The following NAALAD2 variants were observed in gnomAD, a reference collection of about 807,000 sequenced individuals.
The protein encoded by NAALAD2 is N-acetylated alpha-linked acidic dipeptidase 2, also known as N-acetylated-alpha-linked acidic dipeptidase 2.
Under a neutral mutation model 95.6 loss-of-function variants are expected in NAALAD2, and 89 were observed. That is an observed-to-expected ratio of 0.93 (90% CI 0.78 to 1.11). NAALAD2 has a LOEUF of 1.11. NAALAD2 is among the 50% of genes least tolerant of loss of function. The pLI is 0.00. For synonymous variants in NAALAD2, 264 were observed against 294.4 expected, an observed-to-expected ratio of 0.90 and a Z score of 1.06; for missense variants, 894 against 872.4, an observed-to-expected ratio of 1.02 and a Z score of -0.31.
chr11:90,182,690 A>G (rs1490672380), intron 17 of NAALAD2, among the ~76,000 whole-genome samples: 1 of 152,156 alleles, frequency 6.6e-6, no homozygotes, highest in Non-Finnish European at 1.5e-5. Context: ...GTAAAAAAAT[A>G]TAACAAACGA....
chr11:90,166,406 A>G (rs1454597164), intron 11 of NAALAD2, among the ~76,000 whole-genome samples: 2 of 152,168 alleles, frequency 1.3e-5, no homozygotes, highest in Non-Finnish European at 2.9e-5. Flanking sequence ...TTCACTTCAT[A>G]TACATAGTAA....
At chr11:90,147,610 T>C (rs945956041) in intron 3 of NAALAD2, 94 bp downstream of exon 3, 33 of 1,154,434 alleles carry the variant, frequency 2.9e-5, no homozygotes, top group Non-Finnish European at 3.9e-5. Context: ...AATTTGTTAA[T>C]AGTGAATTAT....
upstream of NAALAD2, among the ~76,000 whole-genome samples, chr11:90,132,847 T>TA (rs1237508677): frequency 2.6e-5 from 4 of 152,242 alleles, no homozygotes; most frequent in South Asian, 8.3e-4. Context: ...CTCTCTAAAA[T>TA]AAAAAACACT....
At chr11:90,158,658 G>T (rs780380993) in intron 7 of NAALAD2, 8 of 176,128 alleles carry the variant, frequency 4.5e-5, no homozygotes, top group Non-Finnish European at 8.2e-5. Context: ...TTTGTAAGAT[G>T]AGGCTAGTAA....
At chr11:90,161,435 A>G (rs80146485) in intron 8 of NAALAD2, among the ~76,000 whole-genome samples, 1,983 of 152,248 alleles carry the variant, frequency 0.013, 50 homozygotes, top group African/African-American at 0.046. Context: ...ATATTCATTT[A>G]TTTCATGAAT....
upstream of NAALAD2, chr11:90,134,644 A>G: frequency 1.1e-6 from 1 of 949,604 alleles, no homozygotes; most frequent in Non-Finnish European, 1.7e-6. Flanking sequence ...GGCCTTGCGA[A>G]GGTCAGCGGA....
intron 8 of NAALAD2, chr11:90,162,707 T>G (rs1590992694): frequency 7.8e-6 from 2 of 256,926 alleles, no homozygotes; most frequent in Non-Finnish European, 1.5e-5. Flanking sequence ...CTTTTAAAAT[T>G]TGACTTCAAG....
intron 2 of NAALAD2, among the ~76,000 whole-genome samples, chr11:90,146,606 C>A (rs1951756784): frequency 6.6e-6 from 1 of 151,922 alleles, no homozygotes; most frequent in African/African-American, 2.4e-5. Context: ...CTCAGTTGAT[C>A]CACCCTCCTC....
chr11:90,169,950 A>G (rs949130929), intron 12 of NAALAD2, 119 bp from the exon 13 acceptor site: 5 of 717,638 alleles, frequency 7.0e-6, no homozygotes, highest in Non-Finnish European at 1.2e-5. Flanking sequence ...TTGGGAATAA[A>G]ATCTTTGATT....
intron 13 of NAALAD2, among the ~76,000 whole-genome samples, chr11:90,172,506 A>G (rs1473522837): frequency 6.6e-6 from 1 of 152,166 alleles, no homozygotes; most frequent in Non-Finnish European, 1.5e-5. Context: ...GTTCAAAATC[A>G]TGTGCCAATA....
chr11:90,147,869 G>C (rs1267668993), intron 3 of NAALAD2, among the ~76,000 whole-genome samples: 1 of 152,200 alleles, frequency 6.6e-6, no homozygotes, highest in African/African-American at 2.4e-5. Context: ...GGACATAGGA[G>C]TTAACCATGT....
chr11:90,168,905 G>A, intron 11 of NAALAD2, 24 bp from the exon 12 acceptor site: 1 of 1,575,462 alleles, frequency 6.3e-7, no homozygotes, highest in Non-Finnish European at 8.7e-7. Flanking sequence ...TGTGAATTAA[G>A]TAACAACTTT....
intron 17 of NAALAD2, among the ~76,000 whole-genome samples, 199 bp from the exon 18 acceptor site, chr11:90,182,717 T>C (rs926080300): frequency 6.6e-6 from 1 of 152,176 alleles, no homozygotes; most frequent in African/African-American, 2.4e-5. Flanking sequence ...AATAGGTCTC[T>C]CTGCTGACTG....
At chr11:90,153,189 T>C (rs1951936170) in intron 6 of NAALAD2, among the ~76,000 whole-genome samples, 1 of 152,162 alleles carries the variant, frequency 6.6e-6, no homozygotes, top group African/African-American at 2.4e-5. Flanking sequence ...CCTTTACTTG[T>C]AGATGGACAT....
At chr11:90,155,495 T>C (rs1590980023) in intron 6 of NAALAD2, among the ~76,000 whole-genome samples, 1 of 112,552 alleles carries the variant, frequency 8.9e-6, no homozygotes, top group Non-Finnish European at 1.6e-5. Flanking sequence ...ATATATAATA[T>C]ATTATATATA....
At chr11:90,176,526 G>T (rs1163878382) in intron 15 of NAALAD2, among the ~76,000 whole-genome samples, 2 of 152,124 alleles carry the variant, frequency 1.3e-5, no homozygotes, top group Non-Finnish European at 2.9e-5. Context: ...AAGGGTTCTT[G>T]GTTGGGAAAT....
intron 3 of NAALAD2, among the ~76,000 whole-genome samples, chr11:90,148,693 A>T (rs191313428): frequency 5.4e-5 from 8 of 148,598 alleles, no homozygotes; most frequent in African/African-American, 2.0e-4. Flanking sequence ...AAAGAAAAGG[A>T]GCCCACAAAG....
intron 13 of NAALAD2, among the ~76,000 whole-genome samples, chr11:90,170,734 C>T (rs1952607879): frequency 1.3e-5 from 2 of 152,052 alleles, no homozygotes; most frequent in African/African-American, 4.8e-5. Flanking sequence ...TTTGCAGAGT[C>T]ACTGATGTTT....
intron 17 of NAALAD2, 77 bp from the exon 18 acceptor site, chr11:90,182,839 C>A: frequency 1.0e-6 from 1 of 988,584 alleles, no homozygotes; most frequent in Non-Finnish European, 1.6e-6. Flanking sequence ...TTTCCCAAGC[C>A]TTGTTTTTAT....
Sources: gnomAD v4.1 joint callset for allele counts (sites outside exome capture counted in the v4.1 genomes callset) on GRCh38, gnomAD v4.1.1 for gene constraint, MANE v1.5 for transcripts, NCBI Gene and HGNC (gene_info 2026-07-23, HGNC 2026-07-21) for gene names.